KANK1: variants seen among roughly 807,000 people sequenced by gnomAD.
KANK1 encodes the protein KN motif and ankyrin repeat domains 1.
A neutral mutation model predicts 106.2 loss-of-function variants in KANK1; 109 were observed. That is an observed-to-expected ratio of 1.03 (90% confidence interval 0.88 to 1.20). KANK1 has a LOEUF of 1.20. Ranked by LOEUF, KANK1 falls within the 50% of genes most tolerant of loss-of-function variation. The pLI is 0.00. For synonymous variants in KANK1, 873 were observed against 652.2 expected, an observed-to-expected ratio of 1.34 and a Z score of -5.16; for missense variants, 2,399 against 1,710.7, an observed-to-expected ratio of 1.40 and a Z score of -7.10.
intron 10 of KANK1, among the ~76,000 whole-genome samples, chr9:744,091 G>A (rs1175035109): frequency 6.6e-6 from 1 of 152,186 alleles, no homozygotes; most frequent in Non-Finnish European, 1.5e-5. Flanking sequence ...AGGGTTTTAG[G>A]ATCACAGTGC....
At chr9:550,215 C>A (rs541115589) in intron 1 of KANK1, among the ~76,000 whole-genome samples, 4 of 152,106 alleles carry the variant, frequency 2.6e-5, no homozygotes, top group South Asian at 2.1e-4. Flanking sequence ...TCCCCTCCCC[C>A]CAGGGATACT....
At chr9:505,536 G>C (rs1344961862) in intron 1 of KANK1, among the ~76,000 whole-genome samples, 1 of 152,216 alleles carries the variant, frequency 6.6e-6, no homozygotes, top group Non-Finnish European at 1.5e-5. Context: ...CGGCAGCCAC[G>C]GCTCCTTGAC....
At chr9:506,025 A>G (rs2058740180) in intron 1 of KANK1, among the ~76,000 whole-genome samples, 1 of 151,870 alleles carries the variant, frequency 6.6e-6, no homozygotes, top group Non-Finnish European at 1.5e-5. Flanking sequence ...ATTGAAGTGT[A>G]ATAAACATAT....
intron 3 of KANK1, among the ~76,000 whole-genome samples, chr9:726,961 T>A (rs1408060238): frequency 6.6e-6 from 1 of 152,184 alleles, no homozygotes. Flanking sequence ...CAAGACACTC[T>A]CTCAATTAAA....
chr9:677,563 A>T (rs931116270), intron 2 of KANK1: 3 of 152,250 alleles, frequency 2.0e-5, no homozygotes, highest in Admixed American at 6.5e-5. Context: ...TTCTGTTCCA[A>T]TATTGCTTCT....
chr9:509,540 C>T (rs958078663), intron 1 of KANK1, among the ~76,000 whole-genome samples: 1 of 152,166 alleles, frequency 6.6e-6, no homozygotes, highest in Non-Finnish European at 1.5e-5. Context: ...CTTAATATTG[C>T]TTCAGTCTCT....
At chr9:693,582 G>T (rs1378774008) in intron 2 of KANK1, 13 of 985,224 alleles carry the variant, frequency 1.3e-5, no homozygotes, top group Non-Finnish European at 1.4e-5. Context: ...CTGTCTCACT[G>T]ACGCCAAGAG....
intron 1 of KANK1, among the ~76,000 whole-genome samples, chr9:529,340 G>A (rs2059955052): frequency 6.6e-6 from 1 of 150,810 alleles, no homozygotes; most frequent in East Asian, 2.0e-4. Flanking sequence ...CCAGGCTGGA[G>A]TGCAATGGCG....
intron 3 of KANK1, among the ~76,000 whole-genome samples, chr9:492,717 AATATC>A (rs1427651291): frequency 2.0e-5 from 3 of 152,130 alleles, no homozygotes; most frequent in African/African-American, 4.8e-5. Flanking sequence ...TTTGAGAAAA[AATATC>A]TTATTGTTAT....
intron 1 of KANK1, among the ~76,000 whole-genome samples, chr9:604,071 C>T (rs754828252): frequency 1.3e-5 from 2 of 150,804 alleles, no homozygotes; most frequent in African/African-American, 2.5e-5. Context: ...TCAGTGATTT[C>T]AGCAAAAAGT....
chr9:498,905 A>C (rs746219173), intron 3 of KANK1, among the ~76,000 whole-genome samples: 3 of 152,132 alleles, frequency 2.0e-5, no homozygotes, highest in Non-Finnish European at 4.4e-5. Flanking sequence ...TGGCTGGGCG[A>C]GGTGGCTCAC....
In KANK1 at chr9:712,114, G is replaced by A. The variant is rs1414039440; in HGVS notation, c.1348G>A (p.Glu450Lys). 1.2e-6 allele frequency: 2 copies of A among 1,614,070 alleles called. No homozygotes were observed. The highest frequency in any genetic ancestry group is 1.3e-5 in the African/African-American group (1 of 74,946). ...AGAGGCCATGCTTGGAGTGATGACT[G>A]AAGCTGACAAAGAAATTGAGCTGCA... ...VTEAMLGVMT[E>K]ADKEIELQQQ... The change falls in exon 3 of 12, where the codon GAA (glutamate) becomes AAA (lysine). Residue 450 changes from glutamate to lysine, a missense_variant. Glu to Lys is a moderately conservative substitution (Grantham distance 56). Transcript: ENST00000382297.
intron 1 of KANK1, among the ~76,000 whole-genome samples, chr9:521,324 T>C (rs2059540277): frequency 6.6e-6 from 1 of 151,392 alleles, no homozygotes; most frequent in African/African-American, 2.5e-5. Context: ...TAGGCAAGAG[T>C]CTTAGGTAGC....
intron 1 of KANK1, 143 bp from the exon 2 acceptor site, chr9:676,747 T>C: frequency 2.2e-6 from 1 of 451,852 alleles, no homozygotes; most frequent in Non-Finnish European, 4.0e-6. Context: ...TCCAATGCAG[T>C]CACCTCCTGG....
At chr9:505,189 G>A (rs891493075) in intron 1 of KANK1, among the ~76,000 whole-genome samples, 2 of 152,160 alleles carry the variant, frequency 1.3e-5, no homozygotes, top group African/African-American at 4.8e-5. Context: ...GGCGGAACGG[G>A]GGACCCTCTC....
At chr9:642,725 TTCTC>T (rs1468217299) in intron 1 of KANK1, among the ~76,000 whole-genome samples, 3 of 150,412 alleles carry the variant, frequency 2.0e-5, no homozygotes, top group Non-Finnish European at 4.4e-5. Context: ...GCAAATTAAT[TTCTC>T]TCTCTGTCTT....
intron 1 of KANK1, among the ~76,000 whole-genome samples, chr9:649,890 C>G (rs1397865692): frequency 2.6e-5 from 4 of 152,156 alleles, no homozygotes; most frequent in African/African-American, 4.8e-5. Context: ...AAGGATGGCT[C>G]TACATTGCAG....
intron 2 of KANK1, among the ~76,000 whole-genome samples, chr9:710,470 T>A (rs1825643454): frequency 1.3e-5 from 2 of 151,972 alleles, no homozygotes; most frequent in Non-Finnish European, 1.5e-5. Flanking sequence ...GTGTAAAAAT[T>A]AGCCAGGCGT....
chr9:576,482 C>G (rs1461246776), intron 1 of KANK1, among the ~76,000 whole-genome samples: 1 of 152,198 alleles, frequency 6.6e-6, no homozygotes, highest in East Asian at 1.9e-4. Context: ...GCCCTCATGC[C>G]AATCATATGC....
Sources: gnomAD v4.1 joint callset for allele counts (sites outside exome capture counted in the v4.1 genomes callset) on GRCh38, gnomAD v4.1.1 for gene constraint, MANE v1.5 for transcripts, NCBI Gene and HGNC (gene_info 2026-07-23, HGNC 2026-07-21) for gene names.